DIP2B: variants seen among roughly 807,000 people sequenced by gnomAD.
DIP2B encodes DIP2 acetate--CoA ligase B (putative).
DIP2B carries 76 observed loss-of-function variants against 198.0 expected under a neutral mutation model. That is an observed-to-expected ratio of 0.38 (90% CI 0.32 to 0.46). The LOEUF (loss-of-function observed/expected upper bound fraction) is 0.46, where lower values mean the gene tolerates loss of function less well. Among genes scored for constraint, DIP2B ranks in the 20% least tolerant of loss-of-function variants. The pLI is 0.99. For synonymous variants in DIP2B, 701 were observed against 739.1 expected (o/e 0.95, Z 0.84); for missense variants, 1,559 against 1,978.4 (o/e 0.79, Z 4.02).
intron 1 of DIP2B, among the ~76,000 whole-genome samples, chr12:50,623,557 A>G (rs1210504191): frequency 1.3e-5 from 2 of 151,266 alleles, no homozygotes; most frequent in Non-Finnish European, 3.0e-5. Context: ...ACTCTCACTC[A>G]CCCAAGGATA....
At chr12:50,551,446 T>C (rs1030243967) in intron 1 of DIP2B, among the ~76,000 whole-genome samples, 1 of 151,954 alleles carries the variant, frequency 6.6e-6, no homozygotes, top group Non-Finnish European at 1.5e-5. Flanking sequence ...TGTGTGTGTG[T>C]GTATGTGTGT....
intron 4 of DIP2B, among the ~76,000 whole-genome samples, chr12:50,668,592 G>A (rs1172517605): frequency 6.6e-6 from 1 of 152,056 alleles, no homozygotes; most frequent in East Asian, 1.9e-4. Context: ...TGAAAATACT[G>A]GTTTTACTGT....
chr12:50,545,700 A>C (rs1958371382), intron 1 of DIP2B, among the ~76,000 whole-genome samples: 1 of 136,558 alleles, frequency 7.3e-6, no homozygotes. Context: ...TCATAACGCT[A>C]TCTGGGCTCA....
intron 7 of DIP2B, among the ~76,000 whole-genome samples, chr12:50,677,837 G>A (rs1364264725): frequency 1.3e-5 from 2 of 151,896 alleles, no homozygotes; most frequent in East Asian, 1.9e-4. Flanking sequence ...TGAAGTATTA[G>A]GCACTACAGC....
At chr12:50,545,347 CTTCT>C (rs1381198985) in intron 1 of DIP2B, among the ~76,000 whole-genome samples, 2 of 145,746 alleles carry the variant, frequency 1.4e-5, no homozygotes, top group Non-Finnish European at 3.0e-5. Context: ...TCCCTCCCTC[CTTCT>C]TTCTTTCTTC....
chr12:50,670,713 G>T (rs1258201901), intron 4 of DIP2B, among the ~76,000 whole-genome samples: 1 of 152,102 alleles, frequency 6.6e-6, no homozygotes, highest in African/African-American at 2.4e-5. Flanking sequence ...CACCACGCCC[G>T]GCCTGGCACA....
chr12:50,545,051 T>G (rs966110544), intron 1 of DIP2B, among the ~76,000 whole-genome samples: 28 of 152,158 alleles, frequency 1.8e-4, no homozygotes, highest in Non-Finnish European at 3.7e-4. Context: ...CTGTACCACA[T>G]TCATTTATTC....
intron 3 of DIP2B, among the ~76,000 whole-genome samples, chr12:50,642,641 T>G (rs182265508): frequency 2.0e-5 from 3 of 152,124 alleles, no homozygotes; most frequent in African/African-American, 7.2e-5. Context: ...CAAAAAAATT[T>G]AGCTGGATGT....
In DIP2B at chr12:50,505,022, C is replaced by A. The variant is rs929369352; in HGVS notation, c.-119C>A. 2 of 1,001,184 alleles carry A rather than the reference C, an allele frequency of 2.0e-6. 1 individual carries two copies. The highest frequency in any genetic ancestry group is 2.9e-5 in the South Asian group (2 of 68,406). 62.0% of individuals were successfully genotyped at this position (1,001,184 alleles called of 1,614,324 possible). ...CTCATGGCGGCGGCGGCGGCGGCGG[C>A]GGTGCTGGTGGTGCTCGGCGGCCGG... On this transcript the variant is annotated 5_prime_UTR_variant, in exon 1 of 38. Transcript: ENST00000301180.
chr12:50,722,326 C>G (rs1319351840), intron 26 of DIP2B, among the ~76,000 whole-genome samples: 3 of 150,862 alleles, frequency 2.0e-5, no homozygotes, highest in African/African-American at 7.4e-5. Flanking sequence ...GCTCTGCCAC[C>G]CACTGCAACC....
intron 12 of DIP2B, among the ~76,000 whole-genome samples, chr12:50,689,557 A>T (rs553659238): frequency 2.0e-5 from 3 of 152,284 alleles, no homozygotes; most frequent in African/African-American, 7.2e-5. Flanking sequence ...AGCAACTGGG[A>T]TTGATGGCAG....
chr12:50,599,291 CA>C (rs531175439), intron 1 of DIP2B, among the ~76,000 whole-genome samples: 28,446 of 99,530 alleles, frequency 0.29, 3,000 homozygotes, highest in East Asian at 0.46. Flanking sequence ...GACCCTGTCT[CA>C]AAAAAAAAAA....
chr12:50,718,788 A>T lies in DIP2B; in HGVS notation c.2931A>T (p.Gly977=), dbSNP rs1939779977. The T allele has an allele frequency of 1.2e-6, 2 of 1,614,204 alleles. No homozygotes were observed. Among genetic ancestry groups the T allele is most frequent in the Non-Finnish European group, 8.5e-7 (1 of 1,180,036 alleles). Residue 977 remains glycine (G), a synonymous_variant, in exon 24 of 38, where the codon GGA becomes GGT. Coordinates refer to ENST00000301180, the MANE Select transcript of DIP2B (RefSeq NM_173602.3). ...RIAQAAGRDL[G]QIEENDLVRK... is the part of the protein sequence containing the mutation. ...CACAAGCTGCTGGAAGGGATCTGGGACAAATAGAAGAGAATGATTTGGTGA... is the reference window on the plus strand; with the variant it reads ...CACAAGCTGCTGGAAGGGATCTGGGTCAAATAGAAGAGAATGATTTGGTGA...
In DIP2B at chr12:50,623,766, A is replaced by G. The variant is rs1393368490; in HGVS notation, c.101-2210A>G. On this transcript the variant is annotated intron_variant, in intron 1 of 37. Coordinates refer to ENST00000301180, the MANE Select transcript of DIP2B (RefSeq NM_173602.3). Reference sequence around the variant, plus strand: ...TTACTTGCCCATTATTATATAGATTAGAGTTTTTCATCCTCAGCACTGCTG... The same window carrying G: ...TTACTTGCCCATTATTATATAGATTGGAGTTTTTCATCCTCAGCACTGCTG... 3.9e-5 allele frequency among the ~76,000 whole-genome samples: 6 copies of G among 152,314 alleles called. No homozygotes were observed. The East Asian group carries it at 1.2e-3, about 29-fold the overall frequency.
At chr12:50,666,835 C>G (rs954193119) in intron 4 of DIP2B, among the ~76,000 whole-genome samples, 1 of 151,940 alleles carries the variant, frequency 6.6e-6, no homozygotes, top group Non-Finnish European at 1.5e-5. Context: ...TCCTGGCTAA[C>G]ACGCTGAAAC....
At chr12:50,644,874 TG>T (rs1938323101) in intron 3 of DIP2B, among the ~76,000 whole-genome samples, 1 of 152,204 alleles carries the variant, frequency 6.6e-6, no homozygotes. Context: ...TATATAAAAA[TG>T]CTTTTGGAAA....
intron 35 of DIP2B, 48 bp downstream of exon 35, chr12:50,737,158 C>G: frequency 6.5e-7 from 1 of 1,530,018 alleles, no homozygotes; most frequent in South Asian, 1.1e-5. Flanking sequence ...CAGTAAAAAT[C>G]TCTAGGGTTC....
chr12:50,546,716 T>G (rs1401981861), intron 1 of DIP2B, among the ~76,000 whole-genome samples: 1 of 152,228 alleles, frequency 6.6e-6, no homozygotes, highest in African/African-American at 2.4e-5. Flanking sequence ...TCTGTCCCTT[T>G]TTTTTGTATG....
intron 3 of DIP2B, among the ~76,000 whole-genome samples, chr12:50,646,158 C>G (rs1254675219): frequency 6.6e-6 from 1 of 152,082 alleles, no homozygotes; most frequent in Non-Finnish European, 1.5e-5. Context: ...GAGTCTCACT[C>G]TGTTGCCCAG....
Sources: gnomAD v4.1 joint callset for allele counts (sites outside exome capture counted in the v4.1 genomes callset) on GRCh38, gnomAD v4.1.1 for gene constraint, MANE v1.5 for transcripts, NCBI Gene and HGNC (gene_info 2026-07-23, HGNC 2026-07-21) for gene names.